ATP6V1A: variants seen among roughly 807,000 people sequenced by gnomAD.
The protein encoded by ATP6V1A is ATPase H+ transporting V1 subunit A, also known as V-type proton ATPase catalytic subunit A.
ATP6V1A carries 18 observed loss-of-function variants against 70.1 expected under a neutral mutation model. The ratio of observed to expected loss-of-function variants is 0.26; its 90% confidence interval spans 0.18 to 0.38. The LOEUF (loss-of-function observed/expected upper bound fraction) is 0.38. Among genes scored for constraint, ATP6V1A ranks in the 10% least tolerant of loss-of-function variants. ATP6V1A has a pLI of 1.00. For synonymous variants in ATP6V1A, 232 were observed against 253.8 expected, an observed-to-expected ratio of 0.91 and a Z score of 0.82; for missense variants, 424 against 772.4, an observed-to-expected ratio of 0.55 and a Z score of 5.35.
Position 113,803,898 on chromosome 3 carries a change from C to T in ATP6V1A, c.1589+221C>T, listed in dbSNP as rs545520357. On this transcript the variant is annotated intron_variant, in intron 13 of 14. Coordinates refer to ENST00000273398, the MANE Select transcript of ATP6V1A (RefSeq NM_001690.4). ...ACAGTATTTTCACTCATATATTCAT[C>T]TATAATTAGATTTAATTGTGGCTTA... Among the ~76,000 whole-genome samples, 17 of 152,292 alleles carry T rather than the reference C, an allele frequency of 1.1e-4. No homozygotes were observed. The East Asian group carries it at 3.1e-3, about 28-fold the overall frequency.
At chr3:113,767,933 C>A (rs953864035) in intron 1 of ATP6V1A, among the ~76,000 whole-genome samples, 1 of 152,070 alleles carries the variant, frequency 6.6e-6, no homozygotes, top group Non-Finnish European at 1.5e-5. Context: ...TGTGAGCCAC[C>A]GTGCCTGGCT....
chr3:113,791,084 A>T (rs1185552115), intron 8 of ATP6V1A, among the ~76,000 whole-genome samples: 1 of 152,130 alleles, frequency 6.6e-6, no homozygotes. Flanking sequence ...CATCTATGAA[A>T]TATGTCTTTT....
chr3:113,759,318 G>A (rs772164127), intron 1 of ATP6V1A, among the ~76,000 whole-genome samples: 8 of 136,346 alleles, frequency 5.9e-5, no homozygotes, highest in East Asian at 2.1e-4. Context: ...TTATGTATAC[G>A]TTGGTTCTAC....
At chr3:113,786,484 A>C (rs1445286186) in intron 6 of ATP6V1A, 101 bp downstream of exon 6, 28 of 1,180,408 alleles carry the variant, frequency 2.4e-5, no homozygotes, top group Non-Finnish European at 1.2e-6. Context: ...TTAACACTAT[A>C]ATACATTTTA....
intron 1 of ATP6V1A, among the ~76,000 whole-genome samples, chr3:113,770,807 C>T (rs1185949015): frequency 1.3e-5 from 2 of 151,604 alleles, no homozygotes; most frequent in Non-Finnish European, 2.9e-5. Context: ...ATAAAATTAA[C>T]TTTCAGGCCA....
intron 12 of ATP6V1A, among the ~76,000 whole-genome samples, chr3:113,800,278 A>G (rs771538631): frequency 5.9e-5 from 9 of 152,100 alleles, no homozygotes; most frequent in Non-Finnish European, 1.2e-4. Context: ...TGTAAATTCA[A>G]TGTAACGCCA....
intron 1 of ATP6V1A, among the ~76,000 whole-genome samples, chr3:113,773,626 T>C (rs769240689): frequency 5.3e-5 from 8 of 152,172 alleles, no homozygotes; most frequent in Non-Finnish European, 7.4e-5. Flanking sequence ...AAATAAATAC[T>C]TGTTTTAAAA....
chr3:113,760,996 G>C (rs917035126), intron 1 of ATP6V1A, among the ~76,000 whole-genome samples: 5 of 151,842 alleles, frequency 3.3e-5, no homozygotes, highest in African/African-American at 7.3e-5. Flanking sequence ...GAATCCGGGA[G>C]GGGGAGGTTG....
chr3:113,801,690 A>T (rs1709213990), intron 12 of ATP6V1A, among the ~76,000 whole-genome samples: 1 of 152,190 alleles, frequency 6.6e-6, no homozygotes, highest in African/African-American at 2.4e-5. Flanking sequence ...CACACCACAG[A>T]GGATGAAATA....
rs953050650 is a variant in ATP6V1A, at chr3:113,788,566, G to A, written c.717-147G>A. The A allele has an allele frequency of 1.0e-5, 6 of 586,480 alleles. No homozygotes were observed. In the Admixed American group the frequency reaches 1.1e-4, roughly 11 times the overall value. 36.3% of individuals were successfully genotyped at this position (586,480 alleles called of 1,614,324 possible). On this transcript the variant is annotated intron_variant, in intron 6 of 14. Coordinates refer to ENST00000273398, the MANE Select transcript of ATP6V1A (RefSeq NM_001690.4). ...TCACCATGTTGGCCAGTCTGGTCTC[G>A]AACTCCTCACTTCAGATGATCCACC...
intron 8 of ATP6V1A, among the ~76,000 whole-genome samples, chr3:113,792,782 T>C (rs1709109716): frequency 6.6e-6 from 1 of 152,196 alleles, no homozygotes; most frequent in Admixed American, 6.5e-5. Flanking sequence ...CAATGCTAGT[T>C]TTTTCAACAC....
At chr3:113,796,969 C>T (rs1396357764) in intron 11 of ATP6V1A, among the ~76,000 whole-genome samples, 1 of 152,222 alleles carries the variant, frequency 6.6e-6, no homozygotes, top group Non-Finnish European at 1.5e-5. Context: ...GAGTTTCACT[C>T]TTGTTGCCCA....
chr3:113,794,912 T>C lies in ATP6V1A; in HGVS notation c.1029T>C (p.His343=), dbSNP rs1709137492. Residue 343 remains histidine, a synonymous_variant, in exon 9 of 15, where the codon CAT becomes CAC. Transcript: ENST00000273398. ...LSEYFRDMGY[H]VSMMADSTSR... is the part of the protein sequence containing the mutation. ...AGTACTTCCGTGACATGGGCTATCA[T>C]GTCAGTATGATGGCTGACTCTACCT... 2 of 1,613,946 alleles carry C rather than the reference T, an allele frequency of 1.2e-6. No homozygotes were observed. Among genetic ancestry groups the C allele is most frequent in the South Asian group, 1.1e-5 (1 of 91,042 alleles).
chr3:113,773,702 CCAT>C (rs1708876841), intron 1 of ATP6V1A, among the ~76,000 whole-genome samples: 1 of 152,194 alleles, frequency 6.6e-6, no homozygotes, highest in African/African-American at 2.4e-5. Flanking sequence ...CAGGTTTCAA[CCAT>C]CTGTAGGGAA....
In ATP6V1A at chr3:113,794,725, C is replaced by A. The variant is rs1054798638; in HGVS notation, c.989-147C>A. On this transcript the variant is annotated intron_variant, in intron 8 of 14. Transcript: ENST00000273398. ...ATGCTAGGAAACAATTCAGTGTGTGCCCAGAAAAAGAGGAAGAGCAGCTTT... is the reference window on the plus strand; with the variant it reads ...ATGCTAGGAAACAATTCAGTGTGTGACCAGAAAAAGAGGAAGAGCAGCTTT... 36 of 859,362 alleles carry A rather than the reference C, an allele frequency of 4.2e-5. No homozygotes were observed. The Admixed American group carries it at 1.1e-3, about 26-fold the overall frequency. 53.2% of individuals were successfully genotyped at this position (859,362 alleles called of 1,614,324 possible).
intron 1 of ATP6V1A, among the ~76,000 whole-genome samples, chr3:113,749,792 T>G (rs1347881288): frequency 1.3e-5 from 2 of 152,202 alleles, no homozygotes; most frequent in African/African-American, 4.8e-5. Flanking sequence ...ATTAAACCAC[T>G]TTAATTTTTG....
chr3:113,766,190 C>T (rs1042670208), intron 1 of ATP6V1A, among the ~76,000 whole-genome samples: 1 of 152,128 alleles, frequency 6.6e-6, no homozygotes, highest in Non-Finnish European at 1.5e-5. Flanking sequence ...GCCTATAGAT[C>T]CTGTGTCTGG....
intron 12 of ATP6V1A, 129 bp from the exon 13 acceptor site, chr3:113,803,454 C>T (rs1182381283): frequency 8.7e-6 from 6 of 692,870 alleles, no homozygotes; most frequent in East Asian, 2.6e-5. Context: ...ATCAAAAAGC[C>T]GTTATAAGTA....
chr3:113,752,796 A>T (rs1708601812), intron 1 of ATP6V1A, among the ~76,000 whole-genome samples: 1 of 152,158 alleles, frequency 6.6e-6, no homozygotes, highest in Admixed American at 6.5e-5. Context: ...CAACTTGCTC[A>T]TCTAGAAGAA....
Sources: allele counts gnomAD v4.1 joint callset (sites outside exome capture counted in the v4.1 genomes callset), GRCh38; gene constraint gnomAD v4.1.1; transcripts MANE v1.5; gene names NCBI Gene and HGNC (gene_info 2026-07-23, HGNC 2026-07-21).